The following STRBP variants were observed in gnomAD, a reference collection of about 807,000 sequenced individuals.
The protein encoded by STRBP is spermatid perinuclear RNA binding protein.
In STRBP, 13 loss-of-function variants were observed where a neutral mutation model predicts 80.1. The observed-to-expected ratio is 0.16, with a 90% CI of 0.11 to 0.26. The LOEUF (loss-of-function observed/expected upper bound fraction) is 0.26. Among genes scored for constraint, STRBP ranks in the 10% least tolerant of loss-of-function variants. The pLI is 1.00. For missense variants in STRBP, 485 were observed against 815.2 expected (o/e 0.59, Z 4.93); for synonymous variants, 284 against 291.2 (o/e 0.98, Z 0.25).
At chr9:123,206,259 T>C (rs961339952) in intron 2 of STRBP, among the ~76,000 whole-genome samples, 2 of 71,958 alleles carry the variant, frequency 2.8e-5, no homozygotes, top group Non-Finnish European at 4.0e-5. Flanking sequence ...AAAGTGTATG[T>C]TTTGCAATGT....
Position 123,124,759 on chromosome 9 carries a change from TA to T in STRBP, c.*837del. 1 of 985,440 alleles carries T rather than the reference TA, an allele frequency of 1.0e-6. No homozygotes were observed. The highest frequency in any genetic ancestry group is 1.2e-6 in the Non-Finnish European group (1 of 829,930). The allele number at this position is 985,440 out of a possible 1,614,324, so 61.0% of individuals were successfully genotyped here. ...TTTAAAAACTTGGAAATTCATAAAC[TA>T]GGATAATCACATTCTCCTTCCCCAT... On this transcript the variant is annotated 3_prime_UTR_variant, in exon 19 of 19. Coordinates refer to ENST00000348403, the MANE Select transcript of STRBP (RefSeq NM_018387.5).
chr9:123,119,281 C>T (rs2035692816), downstream of STRBP, among the ~76,000 whole-genome samples: 1 of 152,068 alleles, frequency 6.6e-6, no homozygotes, highest in African/African-American at 2.4e-5. Flanking sequence ...TGTAACCAAA[C>T]ACCTTTTTAA....
At chr9:123,194,238 A>G (rs2039019848) in intron 2 of STRBP, among the ~76,000 whole-genome samples, 1 of 152,122 alleles carries the variant, frequency 6.6e-6, no homozygotes, top group African/African-American at 2.4e-5. Flanking sequence ...ACTTCATGCA[A>G]ATTGCCAACC....
chr9:123,221,817 A>G (rs538744269), intron 2 of STRBP, among the ~76,000 whole-genome samples: 3 of 152,262 alleles, frequency 2.0e-5, no homozygotes, highest in Admixed American at 6.5e-5. Flanking sequence ...CTTGATCTTA[A>G]GTTTTAGTCA....
chr9:123,203,834 T>C (rs1201703126), intron 2 of STRBP, among the ~76,000 whole-genome samples: 2 of 152,100 alleles, frequency 1.3e-5, no homozygotes, highest in Non-Finnish European at 2.9e-5. Flanking sequence ...TAGCCGGGCA[T>C]GGTGGCAGGC....
intron 2 of STRBP, among the ~76,000 whole-genome samples, chr9:123,201,938 C>A (rs186198370): frequency 9.2e-5 from 14 of 152,196 alleles, no homozygotes; most frequent in Non-Finnish European, 1.5e-4. Flanking sequence ...GTGTTAGGTG[C>A]GTATAACTTT....
intron 1 of STRBP, among the ~76,000 whole-genome samples, chr9:123,264,826 C>G (rs2041234580): frequency 6.6e-6 from 1 of 152,120 alleles, no homozygotes; most frequent in Non-Finnish European, 1.5e-5. Flanking sequence ...AACACTATAC[C>G]AGAATTGAGT....
chr9:123,164,928 G>T (rs1037059623), intron 6 of STRBP, among the ~76,000 whole-genome samples: 31 of 152,168 alleles, frequency 2.0e-4, no homozygotes, highest in Non-Finnish European at 1.0e-4. Flanking sequence ...TGTGACTAAT[G>T]TCACTCGGTA....
intron 2 of STRBP, among the ~76,000 whole-genome samples, chr9:123,198,495 T>C (rs2039189723): frequency 1.3e-5 from 2 of 152,210 alleles, no homozygotes; most frequent in Non-Finnish European, 1.5e-5. Context: ...TTATAGATTC[T>C]GGATACTAGT....
At chr9:123,162,149 C>A (rs1452731790) in intron 6 of STRBP, among the ~76,000 whole-genome samples, 1 of 151,990 alleles carries the variant, frequency 6.6e-6, no homozygotes, top group Non-Finnish European at 1.5e-5. Flanking sequence ...AAATGGGAGA[C>A]AATAACAAAG....
intron 2 of STRBP, among the ~76,000 whole-genome samples, chr9:123,224,195 A>C (rs911030310): frequency 6.6e-6 from 1 of 152,234 alleles, no homozygotes; most frequent in African/African-American, 2.4e-5. Flanking sequence ...CTAAGAGATT[A>C]AGCTAACCAA....
At chr9:123,257,268 C>A (rs901089126) in intron 1 of STRBP, among the ~76,000 whole-genome samples, 13 of 151,998 alleles carry the variant, frequency 8.6e-5, no homozygotes, top group African/African-American at 3.1e-4. Context: ...TCTCATAATC[C>A]AGTTCTATTT....
chr9:123,157,560 G>C (rs552561709), intron 11 of STRBP, among the ~76,000 whole-genome samples: 1 of 152,218 alleles, frequency 6.6e-6, no homozygotes, highest in East Asian at 1.9e-4. Flanking sequence ...CCAGTGACTG[G>C]GTAATTTATG....
chr9:123,206,127 G>A (rs1325566908), intron 2 of STRBP, among the ~76,000 whole-genome samples: 1 of 152,152 alleles, frequency 6.6e-6, no homozygotes, highest in Non-Finnish European at 1.5e-5. Flanking sequence ...TCGCTTATAA[G>A]GAAATGGGGT....
chr9:123,138,397 G>C lies in STRBP; in HGVS notation c.1497+1132C>G, dbSNP rs545367866. On this transcript the variant is annotated intron_variant, in intron 14 of 18. Coordinates refer to ENST00000348403, the MANE Select transcript of STRBP (RefSeq NM_018387.5). Reference sequence around the variant, plus strand: ...TCCACAGCATCACACAAAGTGCCAAGTGTGGCTTTCTCAGGCTTCAGCCCC... The same window carrying C: ...TCCACAGCATCACACAAAGTGCCAACTGTGGCTTTCTCAGGCTTCAGCCCC... Among the ~76,000 whole-genome samples the C allele has an allele frequency of 4.5e-4, 68 of 152,354 alleles. 3 individuals are homozygous for C. The South Asian group carries it at 0.013, about 30-fold the overall frequency.
At chr9:123,249,799 G>T (rs905648131) in intron 1 of STRBP, among the ~76,000 whole-genome samples, 2 of 152,182 alleles carry the variant, frequency 1.3e-5, no homozygotes, top group African/African-American at 4.8e-5. Flanking sequence ...CTTTTCAGGG[G>T]TCTGCATGGC....
At chr9:123,200,953 T>A (rs183625848) in intron 2 of STRBP, among the ~76,000 whole-genome samples, 1 of 151,984 alleles carries the variant, frequency 6.6e-6, no homozygotes, top group Non-Finnish European at 1.5e-5. Flanking sequence ...TCTTCCTGAT[T>A]TAATCTAGGA....
chr9:123,149,944 A>G (rs2036983367), intron 11 of STRBP, among the ~76,000 whole-genome samples: 1 of 152,236 alleles, frequency 6.6e-6, no homozygotes, highest in South Asian at 2.1e-4. Flanking sequence ...GCTTACATAT[A>G]CTGGCCAAAA....
chr9:123,193,659 C>T (rs1276562454), intron 2 of STRBP, among the ~76,000 whole-genome samples: 2 of 151,954 alleles, frequency 1.3e-5, no homozygotes, highest in Admixed American at 1.3e-4. Context: ...TAGACAAACA[C>T]GCCCCACCGG....
Sources: allele counts gnomAD v4.1 joint callset (sites outside exome capture counted in the v4.1 genomes callset), GRCh38; gene constraint gnomAD v4.1.1; transcripts MANE v1.5; gene names NCBI Gene and HGNC (gene_info 2026-07-23, HGNC 2026-07-21).